Variants in PARD3 observed in about 807,000 individuals in gnomAD.
The protein encoded by PARD3 is partitioning defective 3 homolog.
PARD3 carries 75 observed loss-of-function variants against 155.4 expected under a neutral mutation model. The ratio of observed to expected loss-of-function variants is 0.48; its 90% CI spans 0.40 to 0.58. The LOEUF is 0.58. Ranked by LOEUF, PARD3 falls within the 20% of genes least tolerant of loss-of-function variation. The pLI, the probability that PARD3 is intolerant of heterozygous loss-of-function variation, is 0.00. For missense variants in PARD3, 1,642 were observed against 1,721.7 expected (o/e 0.95, Z 0.82); for synonymous variants, 576 against 610.5 (o/e 0.94, Z 0.83).
At chr10:34,245,047 G>A (rs1280535049) in intron 22 of PARD3, among the ~76,000 whole-genome samples, 2 of 150,156 alleles carry the variant, frequency 1.3e-5, no homozygotes, top group South Asian at 2.1e-4. Flanking sequence ...AGAAGATGTC[G>A]GGAGAACACA....
intron 2 of PARD3, among the ~76,000 whole-genome samples, chr10:34,606,965 TAAAAAAAAAAAA>T (rs531578595): frequency 8.7e-6 from 1 of 114,836 alleles, no homozygotes; most frequent in Non-Finnish European, 1.7e-5. Flanking sequence ...GACTCTGTCT[TAAAAAAAAAAAA>T]AAAAAAAAAG....
chr10:34,677,036 G>A (rs998560030), intron 2 of PARD3, among the ~76,000 whole-genome samples: 6 of 152,154 alleles, frequency 3.9e-5, no homozygotes, highest in African/African-American at 1.4e-4. Flanking sequence ...AGAAAATCAG[G>A]TTTGCTGAAA....
At chr10:34,582,393 A>C (rs2087571857) in intron 2 of PARD3, among the ~76,000 whole-genome samples, 1 of 152,238 alleles carries the variant, frequency 6.6e-6, no homozygotes, top group Non-Finnish European at 1.5e-5. Context: ...GATAATGTGA[A>C]AATTAAAGAC....
chr10:34,666,816 T>TATATATATATATATATATATATACACAC (rs765552982), intron 2 of PARD3, among the ~76,000 whole-genome samples: 7 of 88,804 alleles, frequency 7.9e-5, no homozygotes, highest in African/African-American at 3.3e-4. Flanking sequence ...TATATATATA[T>TATATATATATATATATATATATACACAC]ACACACACAC....
intron 7 of PARD3, among the ~76,000 whole-genome samples, chr10:34,398,523 T>TA (rs1843570456): frequency 6.6e-6 from 1 of 152,054 alleles, no homozygotes; most frequent in South Asian, 2.1e-4. Context: ...AATAGGTCAT[T>TA]AGAGAGCAAG....
At chr10:34,321,937 G>A (rs1958404038) in intron 19 of PARD3, among the ~76,000 whole-genome samples, 1 of 152,106 alleles carries the variant, frequency 6.6e-6, no homozygotes, top group South Asian at 2.1e-4. Flanking sequence ...TTGACTCAAA[G>A]CCTCAAGGTC....
intron 2 of PARD3, among the ~76,000 whole-genome samples, chr10:34,542,235 G>GTGTGTGTGCACA (rs2083682216): frequency 6.0e-3 from 1 of 166 alleles, no homozygotes; most frequent in African/African-American, 7.4e-3. Context: ...GTGTGTGTGT[G>GTGTGTGTGCACA]TGTGCACACA....
At chr10:34,314,355 G>A (rs1011725898) in intron 20 of PARD3, among the ~76,000 whole-genome samples, 2 of 152,152 alleles carry the variant, frequency 1.3e-5, no homozygotes, top group African/African-American at 2.4e-5. Context: ...TATCCTCATC[G>A]TGTGAAGGAA....
rs560592246 is a variant in PARD3 at position 34,660,565 on chromosome 10, C to T, written c.222+35753G>A. On this transcript the variant is annotated intron_variant, in intron 2 of 24. Coordinates refer to ENST00000374788, the MANE Select transcript of PARD3 (RefSeq NM_001184785.2). ...CATGTACACAGCAGCCCTCATCACA[C>T]GGATGCTGAAATGCACAGCAAAACC... is the stretch of plus-strand genomic sequence containing the variant. Among the ~76,000 whole-genome samples, 6 of 152,144 alleles carry T rather than the reference C, an allele frequency of 3.9e-5. No homozygotes were observed. In the South Asian group the frequency reaches 8.3e-4, roughly 21 times the overall value.
At chr10:34,412,285 T>C (rs971229006) in intron 5 of PARD3, among the ~76,000 whole-genome samples, 1 of 152,112 alleles carries the variant, frequency 6.6e-6, no homozygotes, top group African/African-American at 2.4e-5. Flanking sequence ...ATCCCGTAGA[T>C]ATCATATATA....
At position 34,534,976 on chromosome 10, in the gene PARD3, C is replaced by T. The variant is rs576786809; in HGVS notation, c.223-17817G>A. 7.2e-5 allele frequency among the ~76,000 whole-genome samples: 11 copies of T among 152,332 alleles called. No homozygotes were observed. The East Asian group carries it at 1.9e-3, about 27-fold the overall frequency. Reference sequence around the variant, plus strand: ...ACAGTGGGCCAAGATCATGCCACTGCACTCTAGCCTGGGTGACAGAGCAAG... The same window carrying T: ...ACAGTGGGCCAAGATCATGCCACTGTACTCTAGCCTGGGTGACAGAGCAAG... On this transcript the variant is annotated intron_variant, in intron 2 of 24. Coordinates refer to ENST00000374788, the MANE Select transcript of PARD3 (RefSeq NM_001184785.2).
intron 22 of PARD3, among the ~76,000 whole-genome samples, chr10:34,218,202 C>G (rs1744261627): frequency 6.6e-6 from 1 of 152,182 alleles, no homozygotes; most frequent in South Asian, 2.1e-4. Context: ...CTTCTCAACC[C>G]ATTAGACTCT....
chr10:34,557,432 T>C (rs1390265831), intron 2 of PARD3, among the ~76,000 whole-genome samples: 3 of 151,958 alleles, frequency 2.0e-5, no homozygotes, highest in South Asian at 2.1e-4. Flanking sequence ...AGCCCAGCAG[T>C]CTGAGACCAG....
intron 3 of PARD3, among the ~76,000 whole-genome samples, chr10:34,511,621 T>A (rs2081403604): frequency 6.6e-6 from 1 of 151,868 alleles, no homozygotes; most frequent in African/African-American, 2.4e-5. Context: ...TAAACTCTTC[T>A]TTTTATACTA....
rs546394083 is a variant in PARD3 at position 34,576,765 on chromosome 10, T to A, written c.223-59606A>T. Among the ~76,000 whole-genome samples, 64 of 152,250 alleles carry A rather than the reference T, an allele frequency of 4.2e-4. 1 individual carries two copies. Among genetic ancestry groups the A allele is most frequent in the African/African-American group, 1.5e-3 (63 of 41,552 alleles). ...AGTGTCAAGATCTGAATATAAAACA[T>A]ACAAAACCAAATTTAGATACCTCTA... On this transcript the variant is annotated intron_variant, in intron 2 of 24. Coordinates refer to ENST00000374788, the MANE Select transcript of PARD3 (RefSeq NM_001184785.2).
intron 1 of PARD3, among the ~76,000 whole-genome samples, chr10:34,768,354 T>TCGAAGCAAAGGCGGGAC (rs1264993955): frequency 7.7e-6 from 1 of 129,540 alleles, no homozygotes; most frequent in East Asian, 2.4e-4. Context: ...AAAGGCGGGA[T>TCGAAGCAAAGGCGGGAC]AACTCGAAGC....
In PARD3 at chr10:34,600,162, C is replaced by A. The variant is rs551727723; in HGVS notation, c.223-83003G>T. Among the ~76,000 whole-genome samples, 77 of 145,904 alleles carry A rather than the reference C, an allele frequency of 5.3e-4. 1 individual carries two copies. In the South Asian group the frequency reaches 7.8e-3, roughly 15 times the overall value. Reference sequence around the variant, plus strand: ...CCAGCCTGGGCAACATGGTAAAACTCTGTCTCTATCAAAAATACAAAAAAA... The same window carrying A: ...CCAGCCTGGGCAACATGGTAAAACTATGTCTCTATCAAAAATACAAAAAAA... On this transcript the variant is annotated intron_variant, in intron 2 of 24. Transcript: ENST00000374788.
At chr10:34,327,613 C>T (rs950778615) in intron 19 of PARD3, among the ~76,000 whole-genome samples, 10 of 152,184 alleles carry the variant, frequency 6.6e-5, no homozygotes, top group Non-Finnish European at 8.8e-5. Context: ...GCCTGCAGCA[C>T]GGTGCAAGGA....
At chr10:34,416,165 G>A (rs558143748) in intron 5 of PARD3, among the ~76,000 whole-genome samples, 36 of 152,288 alleles carry the variant, frequency 2.4e-4, no homozygotes, top group Admixed American at 2.0e-3. Flanking sequence ...TAAACAGAGT[G>A]CAAAATCCAC....
Sources: gnomAD v4.1 joint callset for allele counts (sites outside exome capture counted in the v4.1 genomes callset) on GRCh38, gnomAD v4.1.1 for gene constraint, MANE v1.5 for transcripts, NCBI Gene and HGNC (gene_info 2026-07-23, HGNC 2026-07-21) for gene names.